Variants in CDH13 observed in about 807,000 individuals in gnomAD.
CDH13 encodes cadherin 13.
A neutral mutation model predicts 63.8 loss-of-function variants in CDH13; 24 were observed. That is an observed-to-expected ratio of 0.38 (90% CI 0.27 to 0.53). The LOEUF (loss-of-function observed/expected upper bound fraction) is 0.53. CDH13 is among the 20% of genes least tolerant of loss of function. The pLI, the probability that CDH13 is intolerant of heterozygous loss-of-function variation, is 0.85. For synonymous variants in CDH13, 503 were observed against 355.3 expected (o/e 1.42, Z -4.67); for missense variants, 1,049 against 903.1 (o/e 1.16, Z -2.07).
At chr16:83,283,246 C>T (rs990387821) in intron 5 of CDH13, among the ~76,000 whole-genome samples, 7 of 152,130 alleles carry the variant, frequency 4.6e-5, no homozygotes, top group Admixed American at 1.3e-4. Flanking sequence ...GGCCCTACCC[C>T]AGACAAGTTG....
At chr16:82,852,878 A>T (rs2151156311) in intron 1 of CDH13, among the ~76,000 whole-genome samples, 1 of 152,328 alleles carries the variant, frequency 6.6e-6, no homozygotes, top group South Asian at 2.1e-4. Context: ...GCCAGTTGGC[A>T]ACCTACAGTA....
chr16:83,542,346 T>C lies in CDH13; in HGVS notation c.960+55691T>C, dbSNP rs530519712. Among the ~76,000 whole-genome samples, 5 of 152,284 alleles carry C rather than the reference T, an allele frequency of 3.3e-5. No individual in the cohort carries two copies. In the East Asian group the frequency reaches 7.7e-4, roughly 24 times the overall value. Reference sequence around the variant, plus strand: ...ATTGCAAACTACTGCTCCATCTCAGTAGTTCTCAAACACTAGCCTGCGGCA... The same window carrying C: ...ATTGCAAACTACTGCTCCATCTCAGCAGTTCTCAAACACTAGCCTGCGGCA... On this transcript the variant is annotated intron_variant, in intron 7 of 13. Transcript: ENST00000567109.
At chr16:83,680,079 C>G (rs1220557625) in intron 10 of CDH13, among the ~76,000 whole-genome samples, 2 of 152,172 alleles carry the variant, frequency 1.3e-5, no homozygotes, top group Non-Finnish European at 2.9e-5. Flanking sequence ...CCTATGGATA[C>G]TATATACGAT....
At chr16:82,805,315 T>A (rs1022781232) in intron 1 of CDH13, among the ~76,000 whole-genome samples, 10 of 152,182 alleles carry the variant, frequency 6.6e-5, no homozygotes. Flanking sequence ...ACAAAGTAAC[T>A]GTAAATTTGT....
chr16:83,394,690 T>C (rs1288509046), intron 6 of CDH13, among the ~76,000 whole-genome samples: 1 of 152,066 alleles, frequency 6.6e-6, no homozygotes, highest in African/African-American at 2.4e-5. Flanking sequence ...TCAAAGTGGA[T>C]GAGAACAAAA....
chr16:83,673,267 T>A (rs184500323), intron 9 of CDH13, among the ~76,000 whole-genome samples: 1 of 152,306 alleles, frequency 6.6e-6, no homozygotes, highest in East Asian at 1.9e-4. Context: ...ATACATTCGT[T>A]CATCGGACAT....
At chr16:82,798,245 A>G (rs984961487) in intron 1 of CDH13, among the ~76,000 whole-genome samples, 1 of 152,224 alleles carries the variant, frequency 6.6e-6, no homozygotes, top group Admixed American at 6.5e-5. Flanking sequence ...TTACAAATCT[A>G]GAAAACAAGT....
At chr16:82,896,408 C>T (rs12448910) in intron 2 of CDH13, among the ~76,000 whole-genome samples, 14 of 149,948 alleles carry the variant, frequency 9.3e-5, no homozygotes, top group African/African-American at 3.2e-4. Flanking sequence ...CCTCCCACCT[C>T]TCATCCTCCT....
At position 82,644,599 on chromosome 16, in the gene CDH13, G is replaced by C. The variant is rs959095491; in HGVS notation, c.45+17462G>C. Among the ~76,000 whole-genome samples, 4 of 152,194 alleles carry C rather than the reference G, an allele frequency of 2.6e-5. No homozygotes were observed. The highest frequency in any genetic ancestry group is 4.4e-5 in the Non-Finnish European group (3 of 68,030). On this transcript the variant is annotated intron_variant, in intron 1 of 13. Transcript: ENST00000567109. This position sits in a 1 kb window ranked among gnomAD's most constrained non-coding sequence, Gnocchi z 5.7. ...GGAGGCTTTATGGAGGCAAAGCTGA[G>C]GGGCTGTACGTGTCTTCATAGGTCT...
At chr16:82,958,444 T>G (rs1217459731) in intron 2 of CDH13, among the ~76,000 whole-genome samples, 1 of 152,190 alleles carries the variant, frequency 6.6e-6, no homozygotes, top group Non-Finnish European at 1.5e-5. Context: ...TGGTCCAGTG[T>G]CAGGGAGATG....
chr16:83,296,857 G>T (rs1056092945), intron 5 of CDH13, among the ~76,000 whole-genome samples: 3 of 152,162 alleles, frequency 2.0e-5, no homozygotes, highest in Non-Finnish European at 2.9e-5. Flanking sequence ...AGGGAGAAAG[G>T]GTGCTCTGTG....
chr16:83,692,473 T>C (rs1023494630), intron 10 of CDH13, among the ~76,000 whole-genome samples: 2 of 152,208 alleles, frequency 1.3e-5, no homozygotes, highest in African/African-American at 4.8e-5. Flanking sequence ...GGGTTGATGA[T>C]GCGAAATGTT....
intron 8 of CDH13, among the ~76,000 whole-genome samples, chr16:83,637,221 A>T (rs9940408): frequency 0.98 from 146,957 of 150,160 alleles, 72,095 homozygotes; most frequent in East Asian, 1. Context: ...TAAAATATCA[A>T]AAACGTCTAA....
intron 10 of CDH13, among the ~76,000 whole-genome samples, chr16:83,691,120 CAGAG>C (rs147970060): frequency 5.2e-5 from 5 of 96,920 alleles, no homozygotes; most frequent in Non-Finnish European, 4.5e-5. Context: ...GTGTGTGTGT[CAGAG>C]AGAGAGAGAG....
intron 5 of CDH13, among the ~76,000 whole-genome samples, chr16:83,331,023 A>G (rs955530006): frequency 1.3e-5 from 2 of 152,164 alleles, no homozygotes; most frequent in Non-Finnish European, 2.9e-5. Flanking sequence ...CTTTACAAAT[A>G]TTTATTTTCT....
intron 2 of CDH13, among the ~76,000 whole-genome samples, chr16:83,022,650 C>T (rs1915450079): frequency 6.6e-6 from 1 of 152,174 alleles, no homozygotes; most frequent in African/African-American, 2.4e-5. Context: ...GGGAGGGCTA[C>T]AACTTCCAGG....
chr16:82,771,821 G>A (rs910784597), intron 1 of CDH13, among the ~76,000 whole-genome samples: 3 of 152,252 alleles, frequency 2.0e-5, no homozygotes, highest in African/African-American at 4.8e-5. Context: ...GTCATCTCAA[G>A]CGAAGTTCCA....
At chr16:83,508,055 AGAAG>A (rs370660181) in intron 7 of CDH13, among the ~76,000 whole-genome samples, 2,826 of 58,240 alleles carry the variant, frequency 0.049, 95 homozygotes, top group South Asian at 0.074. Context: ...GAGAAAGAGA[AGAAG>A]GAAGGAAGGA....
chr16:83,120,780 C>G (rs4462576), intron 3 of CDH13, among the ~76,000 whole-genome samples: 1 of 31,714 alleles, frequency 3.2e-5, no homozygotes, highest in African/African-American at 5.0e-5. Flanking sequence ...TTTTTTTTTT[C>G]TGAGATGGAG....
Sources: gnomAD v4.1 joint callset for allele counts (sites outside exome capture counted in the v4.1 genomes callset) on GRCh38, gnomAD v4.1.1 for gene constraint, Gnocchi (gnomAD v3.1) non-coding constraint, MANE v1.5 for transcripts, NCBI Gene and HGNC (gene_info 2026-07-23, HGNC 2026-07-21) for gene names.